BORCS5: variants seen among roughly 807,000 people sequenced by gnomAD.
BORCS5 encodes BLOC-1 related complex subunit 5.
BORCS5 carries 17 observed loss-of-function variants against 22.1 expected under a neutral mutation model. That is an observed-to-expected ratio of 0.77 (90% confidence interval 0.53 to 1.15). BORCS5 has a LOEUF of 1.15. Ranked by LOEUF, BORCS5 falls within the 50% of genes most tolerant of loss-of-function variation. BORCS5 has a pLI of 0.00. For synonymous variants in BORCS5, 117 were observed against 99.8 expected, an observed-to-expected ratio of 1.17 and a Z score of -1.03; for missense variants, 247 against 253.2, an observed-to-expected ratio of 0.98 and a Z score of 0.17.
chr12:12,371,270 C>T (rs1205098177), intron 2 of BORCS5, among the ~76,000 whole-genome samples: 1 of 152,088 alleles, frequency 6.6e-6, no homozygotes, highest in African/African-American at 2.4e-5. Context: ...CACACCCACA[C>T]ATTTACACCT....
At chr12:12,450,579 T>C (rs1203948654) in intron 3 of BORCS5, among the ~76,000 whole-genome samples, 1 of 152,236 alleles carries the variant, frequency 6.6e-6, no homozygotes, top group Non-Finnish European at 1.5e-5. Context: ...CAAATTGCCA[T>C]TTAAATTCAT....
chr12:12,469,481 A>C lies in BORCS5; in HGVS notation c.*3705A>C, dbSNP rs573693965. On this transcript the variant is annotated 3_prime_UTR_variant, in exon 4 of 4. Transcript: ENST00000314565. Reference sequence around the variant, plus strand: ...TTTGCGGCTTCTTCAGTTATGAAAGAGGTTGGTACTGTTACCCTTACGTTA... The same window carrying C: ...TTTGCGGCTTCTTCAGTTATGAAAGCGGTTGGTACTGTTACCCTTACGTTA... 5.9e-5 allele frequency: 9 copies of C among 152,378 alleles called. No individual in the cohort carries two copies. In the East Asian group the frequency reaches 1.7e-3, roughly 29 times the overall value. 9.4% of individuals were successfully genotyped at this position (152,378 alleles called of 1,614,324 possible).
At chr12:12,383,485 C>G (rs1863817362) in intron 2 of BORCS5, among the ~76,000 whole-genome samples, 1 of 151,394 alleles carries the variant, frequency 6.6e-6, no homozygotes, top group Admixed American at 6.6e-5. Flanking sequence ...TCTTCTTGGA[C>G]TTCAGGTCCC....
chr12:12,386,362 A>G lies in BORCS5; in HGVS notation c.202+25013A>G, dbSNP rs142293982. Reference sequence around the variant, plus strand: ...GCATATAGTTGTCTTGCTGTTTTATATATGTTGAAAATCTGTCTTTTTAAT... The same window carrying G: ...GCATATAGTTGTCTTGCTGTTTTATGTATGTTGAAAATCTGTCTTTTTAAT... On this transcript the variant is annotated intron_variant, in intron 2 of 3. Transcript: ENST00000314565. Among the ~76,000 whole-genome samples the G allele has an allele frequency of 8.8e-4, 131 of 148,412 alleles. 1 individual carries two copies. The highest frequency in any genetic ancestry group is 1.9e-3 in the Admixed American group (28 of 15,050).
At chr12:12,368,326 A>G (rs1304960678) in intron 2 of BORCS5, among the ~76,000 whole-genome samples, 1 of 150,914 alleles carries the variant, frequency 6.6e-6, no homozygotes, top group Non-Finnish European at 1.5e-5. Context: ...TCCTCTCTGC[A>G]CAGCATTTTG....
intron 2 of BORCS5, among the ~76,000 whole-genome samples, chr12:12,417,038 G>A (rs999437860): frequency 2.0e-5 from 3 of 151,374 alleles, no homozygotes; most frequent in Non-Finnish European, 3.0e-5. Flanking sequence ...TGATCCACCC[G>A]CCTTGGCCTC....
At chr12:12,360,994 T>A (rs890485589) in intron 1 of BORCS5, among the ~76,000 whole-genome samples, 1 of 152,220 alleles carries the variant, frequency 6.6e-6, no homozygotes, top group South Asian at 2.1e-4. Context: ...GTGCTAAGAT[T>A]ACATGCATGA....
chr12:12,377,883 A>G (rs977090983), intron 2 of BORCS5, among the ~76,000 whole-genome samples: 2 of 152,240 alleles, frequency 1.3e-5, no homozygotes, highest in Non-Finnish European at 2.9e-5. Flanking sequence ...TTAGAAAGAT[A>G]AAAACTCAAG....
At chr12:12,430,342 G>A (rs1054003945) in intron 2 of BORCS5, among the ~76,000 whole-genome samples, 11 of 151,828 alleles carry the variant, frequency 7.2e-5, no homozygotes, top group Non-Finnish European at 1.6e-4. Flanking sequence ...TAGTAGAGAC[G>A]GGGTTTCACC....
intron 3 of BORCS5, among the ~76,000 whole-genome samples, chr12:12,462,280 C>T (rs922537807): frequency 6.6e-6 from 1 of 152,216 alleles, no homozygotes; most frequent in Non-Finnish European, 1.5e-5. Context: ...TTGTTATCCC[C>T]ACTACCTTGC....
chr12:12,357,318 C>T lies in BORCS5; in HGVS notation c.-134C>T. 2.0e-6 allele frequency: 3 copies of T among 1,472,210 alleles called. No individual in the cohort carries two copies. The highest frequency in any genetic ancestry group is 2.7e-6 in the Non-Finnish European group (3 of 1,107,330). The allele number at this position is 1,472,210 out of a possible 1,614,324, so 91.2% of individuals were successfully genotyped here. A position where few individuals can be genotyped will look rare whatever the true frequency, so the allele number is the denominator to read the frequency against. On this transcript the variant is annotated 5_prime_UTR_variant, in exon 1 of 4. Transcript: ENST00000314565. ...GCGTGGGCTGGACGCGTCAGCCCCA[C>T]ACATTAGCCTCGCTGCGGCGCCCAG... is the stretch of plus-strand genomic sequence containing the variant.
intron 2 of BORCS5, among the ~76,000 whole-genome samples, chr12:12,374,132 T>C (rs1009990972): frequency 5.3e-5 from 8 of 151,110 alleles, no homozygotes; most frequent in African/African-American, 1.9e-4. Flanking sequence ...GGACTACAGG[T>C]GCCCGCCACC....
chr12:12,425,116 C>T (rs953126085), intron 2 of BORCS5, among the ~76,000 whole-genome samples: 1 of 152,172 alleles, frequency 6.6e-6, no homozygotes, highest in East Asian at 1.9e-4. Flanking sequence ...CCCCTGCTGT[C>T]TCCCACAAAC....
intron 3 of BORCS5, among the ~76,000 whole-genome samples, chr12:12,454,095 T>C (rs1172394874): frequency 6.6e-6 from 1 of 152,260 alleles, no homozygotes; most frequent in Non-Finnish European, 1.5e-5. Flanking sequence ...GATGGATATT[T>C]GGGTTGTGTC....
intron 2 of BORCS5, among the ~76,000 whole-genome samples, chr12:12,413,364 A>T (rs1014516259): frequency 2.1e-5 from 3 of 141,068 alleles, no homozygotes; most frequent in Non-Finnish European, 4.6e-5. Flanking sequence ...CTGAGTGGAC[A>T]CAGCACATGT....
intron 2 of BORCS5, among the ~76,000 whole-genome samples, chr12:12,378,142 C>A (rs187421676): frequency 3.3e-5 from 5 of 152,102 alleles, no homozygotes; most frequent in African/African-American, 1.2e-4. Context: ...GAGGCCTAGG[C>A]GGGCAGATCA....
At chr12:12,422,944 C>T (rs1453160030) in intron 2 of BORCS5, among the ~76,000 whole-genome samples, 3 of 150,688 alleles carry the variant, frequency 2.0e-5, no homozygotes, top group Non-Finnish European at 4.4e-5. Context: ...AAAAGAGTTA[C>T]GAACCATGGT....
chr12:12,456,185 A>C (rs555876828), intron 3 of BORCS5, among the ~76,000 whole-genome samples: 1 of 152,188 alleles, frequency 6.6e-6, no homozygotes, highest in Non-Finnish European at 1.5e-5. Flanking sequence ...TGTAATCCCA[A>C]CACTTTGGGA....
intron 2 of BORCS5, among the ~76,000 whole-genome samples, chr12:12,430,411 A>G (rs1398326019): frequency 1.3e-5 from 2 of 152,084 alleles, no homozygotes; most frequent in Non-Finnish European, 2.9e-5. Context: ...TTGGCCTCCC[A>G]AAGTGCTGGG....
Sources: gnomAD v4.1 joint callset for allele counts (sites outside exome capture counted in the v4.1 genomes callset) on GRCh38, gnomAD v4.1.1 for gene constraint, MANE v1.5 for transcripts, NCBI Gene and HGNC (gene_info 2026-07-23, HGNC 2026-07-21) for gene names.